The following CDKAL1 variants were observed in gnomAD, a reference collection of about 807,000 sequenced individuals.
CDKAL1 encodes threonylcarbamoyladenosine tRNA methylthiotransferase.
In CDKAL1, 32 loss-of-function variants were observed where a neutral mutation model predicts 68.2. The observed-to-expected ratio is 0.47, with a 90% CI of 0.35 to 0.63. The LOEUF is 0.63. Ranked by LOEUF, CDKAL1 falls within the 30% of genes least tolerant of loss-of-function variation. CDKAL1 has a pLI of 0.00. For synonymous variants in CDKAL1, 234 were observed against 244.3 expected (o/e 0.96, Z 0.39); for missense variants, 606 against 696.7 (o/e 0.87, Z 1.47).
intron 8 of CDKAL1, among the ~76,000 whole-genome samples, chr6:20,785,434 GC>G (rs1775630922): frequency 6.6e-6 from 1 of 150,442 alleles, no homozygotes; most frequent in South Asian, 2.1e-4. Flanking sequence ...TTCTGCCTCA[GC>G]CTCCTGAGTA....
At chr6:20,859,588 T>A (rs1759508686) in intron 9 of CDKAL1, among the ~76,000 whole-genome samples, 1 of 152,170 alleles carries the variant, frequency 6.6e-6, no homozygotes. Flanking sequence ...AGTGATAGCA[T>A]TGGTAATATC....
intron 15 of CDKAL1, among the ~76,000 whole-genome samples, chr6:21,206,351 A>G (rs1163714856): frequency 6.6e-6 from 1 of 152,140 alleles, no homozygotes; most frequent in Admixed American, 6.5e-5. Context: ...GGCATTAGAG[A>G]TCTGTCTCTC....
At chr6:21,152,754 A>AGG (rs1776470264) in intron 13 of CDKAL1, among the ~76,000 whole-genome samples, 1 of 152,210 alleles carries the variant, frequency 6.6e-6, no homozygotes, top group Non-Finnish European at 1.5e-5. Flanking sequence ...GGTTTTCAAA[A>AGG]ACTGAATTAC....
chr6:21,206,823 C>T (rs1778956605), intron 15 of CDKAL1, among the ~76,000 whole-genome samples: 1 of 152,020 alleles, frequency 6.6e-6, no homozygotes, highest in Admixed American at 6.5e-5. Flanking sequence ...CAAAGTGCAC[C>T]ATGCATAGTA....
intron 6 of CDKAL1, among the ~76,000 whole-genome samples, chr6:20,746,034 G>A (rs1581495292): frequency 2.0e-5 from 3 of 152,146 alleles, no homozygotes; most frequent in Admixed American, 2.0e-4. Flanking sequence ...AGCTTAGCCT[G>A]TTGAATTTTG....
At chr6:21,086,043 T>C (rs1772673991) in intron 12 of CDKAL1, among the ~76,000 whole-genome samples, 1 of 152,242 alleles carries the variant, frequency 6.6e-6, no homozygotes, top group Non-Finnish European at 1.5e-5. Flanking sequence ...GTAGCTTACA[T>C]AGACCTTGTG....
At chr6:21,150,488 C>A (rs1023781626) in intron 13 of CDKAL1, among the ~76,000 whole-genome samples, 2 of 152,168 alleles carry the variant, frequency 1.3e-5, no homozygotes, top group African/African-American at 4.8e-5. Context: ...GTGACCAAAT[C>A]TTCACCCTTA....
At chr6:20,540,511 A>G (rs1763349513) in intron 2 of CDKAL1, among the ~76,000 whole-genome samples, 1 of 150,510 alleles carries the variant, frequency 6.6e-6, no homozygotes, top group African/African-American at 2.5e-5. Flanking sequence ...GCTGGAGTGC[A>G]GTGGTGCAAT....
chr6:20,804,806 A>G (rs1339837579), intron 8 of CDKAL1, among the ~76,000 whole-genome samples: 1 of 152,060 alleles, frequency 6.6e-6, no homozygotes, highest in Non-Finnish European at 1.5e-5. Flanking sequence ...GACTCCTAGA[A>G]TTTTCCCTAA....
chr6:21,189,883 C>A (rs975229351), intron 13 of CDKAL1, among the ~76,000 whole-genome samples: 5 of 152,106 alleles, frequency 3.3e-5, no homozygotes, highest in Non-Finnish European at 5.9e-5. Flanking sequence ...CCAGGAGACC[C>A]AGCATCGCGT....
intron 11 of CDKAL1, among the ~76,000 whole-genome samples, chr6:21,042,103 G>A (rs1769961893): frequency 6.6e-6 from 1 of 152,064 alleles, no homozygotes; most frequent in Non-Finnish European, 1.5e-5. Flanking sequence ...CCCTTTAAAT[G>A]TTTTAACTAC....
chr6:20,936,241 ATTTTTTTTTTTT>A (rs33911838), intron 9 of CDKAL1, among the ~76,000 whole-genome samples: 21 of 68,834 alleles, frequency 3.1e-4, no homozygotes, highest in African/African-American at 1.2e-3. Flanking sequence ...GTGTCTCATA[ATTTTTTTTTTTT>A]TTTTTTTTTT....
At chr6:21,167,172 T>A (rs1266293571) in intron 13 of CDKAL1, among the ~76,000 whole-genome samples, 1 of 152,236 alleles carries the variant, frequency 6.6e-6, no homozygotes, top group African/African-American at 2.4e-5. Context: ...TGGCATATCC[T>A]GTAGTTCTAA....
intron 5 of CDKAL1, among the ~76,000 whole-genome samples, chr6:20,698,541 TC>T (rs1175223788): frequency 1.3e-5 from 2 of 152,186 alleles, no homozygotes; most frequent in Non-Finnish European, 2.9e-5. Flanking sequence ...TTGTTTTTGA[TC>T]CTTGGCAGTT....
At chr6:20,693,208 T>C (rs1445997998) in intron 5 of CDKAL1, among the ~76,000 whole-genome samples, 2 of 149,634 alleles carry the variant, frequency 1.3e-5, no homozygotes, top group African/African-American at 4.9e-5. Flanking sequence ...GCTCTCTCTG[T>C]GGTGGGTGGT....
At chr6:20,774,787 C>T (rs1262375079) in intron 7 of CDKAL1, among the ~76,000 whole-genome samples, 3 of 152,216 alleles carry the variant, frequency 2.0e-5, no homozygotes, top group South Asian at 4.2e-4. Context: ...TTGGTAAAAT[C>T]GTTTAGTAAC....
chr6:21,111,764 T>C (rs1375392102), intron 13 of CDKAL1, among the ~76,000 whole-genome samples: 1 of 152,246 alleles, frequency 6.6e-6, no homozygotes. Context: ...TTGTTGCCTC[T>C]GGTTGCATGT....
intron 8 of CDKAL1, among the ~76,000 whole-genome samples, chr6:20,798,679 C>T (rs907663398): frequency 4.0e-5 from 6 of 148,882 alleles, no homozygotes; most frequent in South Asian, 2.1e-4. Flanking sequence ...AACCAAACAC[C>T]GCATGTTCTC....
chr6:21,080,893 G>A (rs1025327440), intron 12 of CDKAL1, among the ~76,000 whole-genome samples: 2 of 152,150 alleles, frequency 1.3e-5, no homozygotes, highest in Admixed American at 1.3e-4. Context: ...TGACTCTCCT[G>A]TTAATTATAA....
Sources: gnomAD v4.1 joint callset for allele counts (sites outside exome capture counted in the v4.1 genomes callset) on GRCh38, gnomAD v4.1.1 for gene constraint, MANE v1.5 for transcripts, NCBI Gene and HGNC (gene_info 2026-07-23, HGNC 2026-07-21) for gene names.